AP3S1: variants seen among roughly 807,000 people sequenced by gnomAD.
AP3S1 encodes the protein adaptor related protein complex 3 subunit sigma 1.
A neutral mutation model predicts 21.3 loss-of-function variants in AP3S1; 12 were observed. The observed-to-expected ratio is 0.56, with a 90% CI of 0.36 to 0.91. AP3S1 has a LOEUF of 0.91. Among genes scored for constraint, AP3S1 ranks in the 40% least tolerant of loss-of-function variants. AP3S1 has a pLI of 0.01. For missense variants in AP3S1, 116 were observed against 225.0 expected (o/e 0.52, Z 3.10); for synonymous variants, 48 against 78.4 (o/e 0.61, Z 2.05).
At chr5:115,895,401 A>G (rs1047805536) in intron 4 of AP3S1, among the ~76,000 whole-genome samples, 4 of 152,210 alleles carry the variant, frequency 2.6e-5, no homozygotes, top group Non-Finnish European at 5.9e-5. Context: ...TATGTGTAGC[A>G]TGTTAATGGG....
intron 1 of AP3S1, among the ~76,000 whole-genome samples, chr5:115,851,362 A>G (rs1268874266): frequency 2.0e-5 from 3 of 152,194 alleles, no homozygotes; most frequent in Non-Finnish European, 2.9e-5. Flanking sequence ...TTGTTAGATT[A>G]TATGGTAATT....
At chr5:115,907,978 G>C (rs1174923631) in intron 5 of AP3S1, among the ~76,000 whole-genome samples, 1 of 152,098 alleles carries the variant, frequency 6.6e-6, no homozygotes, top group African/African-American at 2.4e-5. Flanking sequence ...GTTAGATTAT[G>C]CACTTACTAA....
At chr5:115,886,577 G>A (rs1049672255) in intron 3 of AP3S1, among the ~76,000 whole-genome samples, 1 of 152,092 alleles carries the variant, frequency 6.6e-6, no homozygotes, top group African/African-American at 2.4e-5. Flanking sequence ...CAAAAAATGT[G>A]TACTAGTCGA....
intron 4 of AP3S1, among the ~76,000 whole-genome samples, chr5:115,901,898 A>G (rs1751246657): frequency 6.6e-6 from 1 of 152,214 alleles, no homozygotes; most frequent in Non-Finnish European, 1.5e-5. Flanking sequence ...ATTGAGTAAT[A>G]CATATTTAAC....
At chr5:115,909,163 TA>T (rs1399398913) in intron 5 of AP3S1, among the ~76,000 whole-genome samples, 1 of 152,186 alleles carries the variant, frequency 6.6e-6, no homozygotes, top group East Asian at 1.9e-4. Context: ...AAGATTACTC[TA>T]TTACTTTCCT....
chr5:115,864,776 T>G (rs1379494430), intron 1 of AP3S1, among the ~76,000 whole-genome samples: 1 of 152,064 alleles, frequency 6.6e-6, no homozygotes, highest in Non-Finnish European at 1.5e-5. Flanking sequence ...CACAACAGAG[T>G]AATTAGCAGA....
At chr5:115,846,494 A>T (rs183674823) in intron 1 of AP3S1, among the ~76,000 whole-genome samples, 3 of 151,788 alleles carry the variant, frequency 2.0e-5, no homozygotes, top group Non-Finnish European at 4.4e-5. Flanking sequence ...AATAAACTGT[A>T]TTTAATTAAA....
intron 3 of AP3S1, among the ~76,000 whole-genome samples, chr5:115,872,309 A>G (rs542996841): frequency 6.6e-6 from 1 of 152,266 alleles, no homozygotes; most frequent in South Asian, 2.1e-4. Context: ...AAACATTGTT[A>G]ATAAAATAAA....
At chr5:115,908,912 T>A in intron 5 of AP3S1, 1 of 859,600 alleles carries the variant, frequency 1.2e-6, no homozygotes, top group Non-Finnish European at 1.4e-6. Context: ...ATTTTGTTAA[T>A]GATTTTGAGT....
At chr5:115,845,819 A>G (rs966724405) in intron 1 of AP3S1, among the ~76,000 whole-genome samples, 1 of 120,496 alleles carries the variant, frequency 8.3e-6, no homozygotes, top group Non-Finnish European at 1.6e-5. Flanking sequence ...CCTGGGTGAC[A>G]GAGTGAGACT....
chr5:115,850,399 G>C (rs911921708), intron 1 of AP3S1, among the ~76,000 whole-genome samples: 28 of 152,190 alleles, frequency 1.8e-4, no homozygotes, highest in African/African-American at 6.3e-4. Context: ...ACAGTTGCAA[G>C]TGTACAGTTT....
chr5:115,869,379 C>T (rs970656836), intron 2 of AP3S1, among the ~76,000 whole-genome samples: 1 of 152,008 alleles, frequency 6.6e-6, no homozygotes, highest in Non-Finnish European at 1.5e-5. Flanking sequence ...CTTACTGTGA[C>T]GTATGGAGTT....
At chr5:115,845,637 C>G (rs1762000329) in intron 1 of AP3S1, among the ~76,000 whole-genome samples, 1 of 151,850 alleles carries the variant, frequency 6.6e-6, no homozygotes, top group Non-Finnish European at 1.5e-5. Context: ...AGTTCAAGAC[C>G]AGTGTGGCCA....
chr5:115,850,339 A>G (rs1410705088), intron 1 of AP3S1, among the ~76,000 whole-genome samples: 2 of 152,382 alleles, frequency 1.3e-5, no homozygotes, highest in South Asian at 2.1e-4. Context: ...AAAGGGTTAT[A>G]AAATAAATTT....
intron 2 of AP3S1, among the ~76,000 whole-genome samples, chr5:115,869,773 C>T (rs1748062449): frequency 6.6e-6 from 1 of 152,204 alleles, no homozygotes; most frequent in African/African-American, 2.4e-5. Flanking sequence ...ATAGTAGTTA[C>T]TCAGAGAATA....
intron 3 of AP3S1, among the ~76,000 whole-genome samples, chr5:115,889,784 T>A (rs1264207709): frequency 1.3e-5 from 2 of 151,726 alleles, no homozygotes; most frequent in Non-Finnish European, 2.9e-5. Flanking sequence ...GAGACCAGCC[T>A]GGGCAACATA....
At chr5:115,894,865 G>A (rs1750613186) in intron 3 of AP3S1, among the ~76,000 whole-genome samples, 1 of 152,142 alleles carries the variant, frequency 6.6e-6, no homozygotes. Context: ...TTCAAAAAAA[G>A]TTTGTTTTCT....
chr5:115,863,842 G>C (rs1177749797), intron 1 of AP3S1, among the ~76,000 whole-genome samples: 2 of 152,210 alleles, frequency 1.3e-5, no homozygotes, highest in Non-Finnish European at 2.9e-5. Flanking sequence ...GATGCTTATA[G>C]AAAGAGGTTT....
chr5:115,912,006 A>G (rs927389687), intron 5 of AP3S1: 2 of 151,960 alleles, frequency 1.3e-5, no homozygotes, highest in Non-Finnish European at 2.9e-5. Context: ...CTATTCTACT[A>G]ATTTTTCTAT....
Sources: allele counts gnomAD v4.1 joint callset (sites outside exome capture counted in the v4.1 genomes callset), GRCh38; gene constraint gnomAD v4.1.1; transcripts MANE v1.5; gene names NCBI Gene and HGNC (gene_info 2026-07-23, HGNC 2026-07-21).